C12orf42: variants seen among roughly 807,000 people sequenced by gnomAD.
C12orf42 encodes the protein chromosome 12 open reading frame 42.
In C12orf42, 25 loss-of-function variants were observed where a neutral mutation model predicts 21.6. The ratio of observed to expected loss-of-function variants is 1.16; its 90% CI spans 0.84 to 1.62. The LOEUF is 1.62. C12orf42 is among the 40% of genes most tolerant of loss of function. The pLI is 0.00. For synonymous variants in C12orf42, 174 were observed against 175.0 expected (o/e 0.99, Z 0.05); for missense variants, 483 against 459.3 (o/e 1.05, Z -0.47).
intron 4 of C12orf42, among the ~76,000 whole-genome samples, chr12:103,329,994 A>G (rs1005408739): frequency 6.6e-6 from 1 of 152,132 alleles, no homozygotes; most frequent in Non-Finnish European, 1.5e-5. Flanking sequence ...CCATGCCAAT[A>G]CATATTCTTT....
At chr12:103,227,765 G>A in the C12orf42 span, among the ~76,000 whole-genome samples, 1 of 152,182 alleles carries the variant, frequency 6.6e-6, no homozygotes, top group African/African-American at 2.4e-5. Context: ...TAAACACCAA[G>A]GGAAGCCTGC....
chr12:103,309,464 G>A (rs1466931659), intron 4 of C12orf42, among the ~76,000 whole-genome samples: 1 of 152,120 alleles, frequency 6.6e-6, no homozygotes, highest in Non-Finnish European at 1.5e-5. Flanking sequence ...AATTGACTAT[G>A]TTATCAATAA....
chr12:103,317,446 A>T (rs995176679), intron 4 of C12orf42, among the ~76,000 whole-genome samples: 2 of 152,194 alleles, frequency 1.3e-5, no homozygotes, highest in Non-Finnish European at 1.5e-5. Context: ...AAATCACAGA[A>T]AATCTCCAGC....
chr12:103,286,123 C>A (rs12579725), intron 4 of C12orf42, among the ~76,000 whole-genome samples: 2 of 151,828 alleles, frequency 1.3e-5, no homozygotes, highest in Admixed American at 1.3e-4. Flanking sequence ...TGGTGGCAGG[C>A]GCCTGTAGTC....
chr12:103,159,726 C>T, the C12orf42 span: 5 of 152,242 alleles, frequency 3.3e-5, no homozygotes, highest in Admixed American at 1.3e-4. Context: ...TGCATTGTCC[C>T]ATTTGTCCCT....
At chr12:103,082,521 T>G in the C12orf42 span, among the ~76,000 whole-genome samples, 153 of 152,330 alleles carry the variant, frequency 1.0e-3, 3 homozygotes, top group East Asian at 0.023. Flanking sequence ...TCAATAAATA[T>G]CTGTTGAACA....
the C12orf42 span, among the ~76,000 whole-genome samples, chr12:103,194,823 G>A: frequency 1.3e-5 from 2 of 152,120 alleles, no homozygotes; most frequent in African/African-American, 4.8e-5. Flanking sequence ...GTTTCAGGAA[G>A]TACATGTGCA....
chr12:103,327,719 T>A (rs954569614), intron 4 of C12orf42, among the ~76,000 whole-genome samples: 15 of 152,350 alleles, frequency 9.8e-5, no homozygotes, highest in African/African-American at 2.9e-4. Context: ...TCTCACAGCA[T>A]CTATCTCTAG....
At chr12:103,162,845 C>T in the C12orf42 span, 10 of 152,190 alleles carry the variant, frequency 6.6e-5, no homozygotes, top group African/African-American at 1.7e-4. Flanking sequence ...ATTGTTCATC[C>T]TAGCAGCACG....
downstream of C12orf42, among the ~76,000 whole-genome samples, chr12:103,299,222 G>A (rs1160818014): frequency 6.6e-6 from 1 of 151,882 alleles, no homozygotes; most frequent in Non-Finnish European, 1.5e-5. Flanking sequence ...CATTAAAGAT[G>A]AAGCTTCCTT....
the C12orf42 span, among the ~76,000 whole-genome samples, chr12:103,133,447 C>A: frequency 1.8e-4 from 28 of 152,284 alleles, no homozygotes; most frequent in East Asian, 3.5e-3. Flanking sequence ...AAACCTGTTG[C>A]CCAAGAACAG....
At chr12:103,093,207 T>A in the C12orf42 span, among the ~76,000 whole-genome samples, 2 of 152,178 alleles carry the variant, frequency 1.3e-5, no homozygotes, top group Non-Finnish European at 1.5e-5. Flanking sequence ...GTCCTATGAG[T>A]CTCCAATTCA....
intron 4 of C12orf42, among the ~76,000 whole-genome samples, chr12:103,336,172 G>A (rs1027468250): frequency 1.3e-5 from 2 of 152,240 alleles, no homozygotes; most frequent in African/African-American, 2.4e-5. Flanking sequence ...AGTGGGCATT[G>A]TAAGGTGATA....
chr12:103,188,876 T>C, the C12orf42 span, among the ~76,000 whole-genome samples: 1 of 152,194 alleles, frequency 6.6e-6, no homozygotes. Context: ...AATTACCCAG[T>C]CTCCAGTAAT....
the C12orf42 span, chr12:103,178,162 C>T: frequency 6.6e-6 from 1 of 152,202 alleles, no homozygotes; most frequent in African/African-American, 2.4e-5. Context: ...AAGCCAACTT[C>T]TCCTGGCTGA....
At chr12:103,131,803 G>T in the C12orf42 span, among the ~76,000 whole-genome samples, 1 of 152,208 alleles carries the variant, frequency 6.6e-6, no homozygotes, top group African/African-American at 2.4e-5. Flanking sequence ...GGGTGATGTT[G>T]TTGTTGGGTA....
intron 3 of C12orf42, among the ~76,000 whole-genome samples, chr12:103,378,547 A>G (rs1331195514): frequency 6.6e-6 from 1 of 152,184 alleles, no homozygotes; most frequent in African/African-American, 2.4e-5. Context: ...CCTCAGACAC[A>G]TTCAGCCTGG....
chr12:103,051,599 C>A, the C12orf42 span, among the ~76,000 whole-genome samples: 1 of 152,172 alleles, frequency 6.6e-6, no homozygotes, highest in East Asian at 1.9e-4. Context: ...GCAGCCAAAA[C>A]CAATTATAAA....
the C12orf42 span, among the ~76,000 whole-genome samples, chr12:103,554,011 T>C: frequency 1.1e-4 from 16 of 152,110 alleles, no homozygotes; most frequent in Non-Finnish European, 2.2e-4. Flanking sequence ...GGCTGAGAAG[T>C]GGGTTAAAGC....
Sources: allele counts gnomAD v4.1 joint callset (sites outside exome capture counted in the v4.1 genomes callset), GRCh38; gene constraint gnomAD v4.1.1; transcripts MANE v1.5; gene names NCBI Gene and HGNC (gene_info 2026-07-23, HGNC 2026-07-21).